DPYD: variants seen among roughly 807,000 people sequenced by gnomAD.
DPYD encodes dihydropyrimidine dehydrogenase [NADP(+)].
DPYD carries 109 observed loss-of-function variants against 116.2 expected under a neutral mutation model. That is an observed-to-expected ratio of 0.94 (90% CI 0.80 to 1.10). The LOEUF is 1.10. DPYD is among the 50% of genes least tolerant of loss of function. The probability of loss-of-function intolerance (pLI) is 0.00; values close to 1 mark genes in which losing one functional copy is unlikely to be tolerated. For synonymous variants in DPYD, 440 were observed against 432.0 expected (o/e 1.02, Z -0.23); for missense variants, 1,302 against 1,254.5 (o/e 1.04, Z -0.57).
intron 14 of DPYD, among the ~76,000 whole-genome samples, chr1:97,444,303 C>T (rs918323858): frequency 6.6e-6 from 1 of 152,092 alleles, no homozygotes; most frequent in Non-Finnish European, 1.5e-5. Context: ...AATGGAAAGC[C>T]TTCCTGGCCT....
At chr1:97,370,731 A>G (rs1671273243) in intron 16 of DPYD, among the ~76,000 whole-genome samples, 1 of 152,226 alleles carries the variant, frequency 6.6e-6, no homozygotes, top group South Asian at 2.1e-4. Context: ...AAGGAGATTT[A>G]AAGATCATTT....
intron 13 of DPYD, among the ~76,000 whole-genome samples, chr1:97,463,442 T>C (rs929444569): frequency 2.2e-4 from 34 of 152,174 alleles, no homozygotes; most frequent in African/African-American, 8.2e-4. Flanking sequence ...TTTTGTAAAT[T>C]GCCCAGTCTT....
At chr1:97,202,299 C>T (rs1328681868) in intron 19 of DPYD, among the ~76,000 whole-genome samples, 1 of 152,102 alleles carries the variant, frequency 6.6e-6, no homozygotes, top group Non-Finnish European at 1.5e-5. Context: ...TATTTCTTCT[C>T]AGTACATTAC....
chr1:97,280,535 A>G (rs1008933743), intron 18 of DPYD, among the ~76,000 whole-genome samples: 1 of 152,224 alleles, frequency 6.6e-6, no homozygotes, highest in South Asian at 2.1e-4. Flanking sequence ...TGTGGTATGT[A>G]CGCAATGGAA....
rs189497441 is a variant in DPYD at position 97,838,269 on chromosome 1, C to T, written c.151-10073G>A. The stretch of plus-strand genomic sequence containing the variant: ...ATAAAAAAATCCAGTTCTCTAAATA[C>T]TTTAATGCTGTAGCATATCAAACTC... On this transcript the variant is annotated intron_variant, in intron 2 of 22. Coordinates refer to ENST00000370192, the MANE Select transcript of DPYD (RefSeq NM_000110.4). 1.2e-3 allele frequency among the ~76,000 whole-genome samples: 190 copies of T among 152,226 alleles called. No individual in the cohort carries two copies. In the Middle Eastern group the frequency reaches 0.024, roughly 19 times the overall value.
intron 2 of DPYD, among the ~76,000 whole-genome samples, chr1:97,858,193 T>G (rs1291165523): frequency 6.6e-6 from 1 of 152,154 alleles, no homozygotes; most frequent in Non-Finnish European, 1.5e-5. Flanking sequence ...AAATGGAAGC[T>G]TGATAGGACT....
intron 12 of DPYD, among the ~76,000 whole-genome samples, chr1:97,539,559 A>G (rs1650272807): frequency 6.6e-6 from 1 of 152,110 alleles, no homozygotes. Context: ...CCCTTCCACT[A>G]CTGGTAATAA....
At chr1:97,546,592 G>GT in intron 12 of DPYD, 1 of 1,609,148 alleles carries the variant, frequency 6.2e-7, no homozygotes, top group Non-Finnish European at 8.5e-7. Flanking sequence ...AACACATCCT[G>GT]TGTATAGCCT....
chr1:97,773,702 A>G (rs1048644357), intron 3 of DPYD, among the ~76,000 whole-genome samples: 2 of 152,200 alleles, frequency 1.3e-5, no homozygotes, highest in Non-Finnish European at 2.9e-5. Flanking sequence ...AGCGGATTAC[A>G]TGGAATTTGG....
intron 18 of DPYD, among the ~76,000 whole-genome samples, chr1:97,251,178 C>T (rs1191889659): frequency 1.3e-5 from 2 of 151,790 alleles, no homozygotes; most frequent in Admixed American, 1.3e-4. Flanking sequence ...AGGTGGATGA[C>T]CTGAGGTCAG....
At chr1:97,638,210 G>T (rs796770345) in intron 8 of DPYD, among the ~76,000 whole-genome samples, 43 of 152,158 alleles carry the variant, frequency 2.8e-4, no homozygotes, top group African/African-American at 9.6e-4. Flanking sequence ...ATACAGTGAG[G>T]GTAAAAACCC....
In DPYD at chr1:97,430,269, C is replaced by A. The variant is rs2101726968; in HGVS notation, c.1905+19790G>T. 1.3e-5 allele frequency among the ~76,000 whole-genome samples: 2 copies of A among 152,178 alleles called. 1 individual carries two copies. Among genetic ancestry groups the A allele is most frequent in the South Asian group, 4.1e-4 (2 of 4,824 alleles). ...ACAACTATGAGAATGAAGTCGTACC[C>A]TTGGAGAATTCTAGTGTGTGACTTG... On this transcript the variant is annotated intron_variant, in intron 14 of 22. Coordinates refer to ENST00000370192, the MANE Select transcript of DPYD (RefSeq NM_000110.4).
At chr1:97,452,235 A>G (rs1355335836) in intron 13 of DPYD, among the ~76,000 whole-genome samples, 1 of 152,212 alleles carries the variant, frequency 6.6e-6, no homozygotes, top group East Asian at 1.9e-4. Context: ...CCATAACAAT[A>G]TATACCTTCC....
chr1:97,865,129 T>C (rs921704710), intron 2 of DPYD, among the ~76,000 whole-genome samples: 5 of 151,876 alleles, frequency 3.3e-5, no homozygotes, highest in Admixed American at 2.6e-4. Flanking sequence ...ACCAGGGGGT[T>C]TGAGAATCAA....
chr1:97,097,948 GA>G lies in DPYD; in HGVS notation c.2766+540del, dbSNP rs571944331. On this transcript the variant is annotated intron_variant, in intron 21 of 22. Transcript: ENST00000370192. ...TTTCTGTCAAAATGAAAAGTTTAAG[GA>G]AAAAAATCAAGAAAGGTAACACATA... 5.3e-5 allele frequency among the ~76,000 whole-genome samples: 8 copies of G among 151,990 alleles called. No individual in the cohort carries two copies. In the South Asian group the frequency reaches 1.5e-3, roughly 28 times the overall value.
chr1:97,594,914 T>C, intron 9 of DPYD, 145 bp downstream of exon 9: 1 of 287,926 alleles, frequency 3.5e-6, no homozygotes, highest in Non-Finnish European at 6.4e-6. Context: ...ATACCCGGCC[T>C]TTTTTTTTTT....
At chr1:97,273,452 T>C (rs911621018) in intron 18 of DPYD, among the ~76,000 whole-genome samples, 2 of 152,164 alleles carry the variant, frequency 1.3e-5, no homozygotes, top group African/African-American at 4.8e-5. Context: ...CTTTTTAATA[T>C]AGTACAATTA....
chr1:97,097,163 T>C (rs925933864), intron 21 of DPYD, among the ~76,000 whole-genome samples: 8 of 152,218 alleles, frequency 5.3e-5, no homozygotes, highest in Non-Finnish European at 1.2e-4. Context: ...GGGGCTTTTA[T>C]GCTGTTAAAA....
chr1:97,664,766 C>T (rs574192284), intron 8 of DPYD, among the ~76,000 whole-genome samples: 1 of 152,104 alleles, frequency 6.6e-6, no homozygotes, highest in South Asian at 2.1e-4. Context: ...ATAATGCTGC[C>T]TTTATGAATT....
Sources: gnomAD v4.1 joint callset for allele counts (sites outside exome capture counted in the v4.1 genomes callset) on GRCh38, gnomAD v4.1.1 for gene constraint, MANE v1.5 for transcripts, NCBI Gene and HGNC (gene_info 2026-07-23, HGNC 2026-07-21) for gene names.